FCRL5: variants seen among roughly 807,000 people sequenced by gnomAD.
FCRL5 encodes Fc receptor like 5.
FCRL5 carries 79 observed loss-of-function variants against 92.1 expected under a neutral mutation model. The ratio of observed to expected loss-of-function variants is 0.86; its 90% CI spans 0.72 to 1.03. FCRL5 has a LOEUF of 1.03. Ranked by LOEUF, FCRL5 falls within the 50% of genes least tolerant of loss-of-function variation. The probability of loss-of-function intolerance (pLI) is 0.00; values close to 1 mark genes in which losing one functional copy is unlikely to be tolerated. For missense variants in FCRL5, 1,160 were observed against 1,181.1 expected (o/e 0.98, Z 0.26); for synonymous variants, 466 against 469.3 (o/e 0.99, Z 0.09).
chr1:157,538,351 C>T (rs1651073647), intron 7 of FCRL5, among the ~76,000 whole-genome samples: 1 of 152,182 alleles, frequency 6.6e-6, no homozygotes, highest in Non-Finnish European at 1.5e-5. Flanking sequence ...TCTCTGTCTC[C>T]AGTATAGGCC....
In FCRL5 at chr1:157,537,827, C is replaced by T. The variant is rs61803176; in HGVS notation, c.1402+1259G>A. Among the ~76,000 whole-genome samples, 516 of 152,248 alleles carry T rather than the reference C, an allele frequency of 3.4e-3. 3 individuals are homozygous for T. The highest frequency in any genetic ancestry group is 4.6e-3 in the Non-Finnish European group (316 of 68,014). On this transcript the variant is annotated intron_variant, in intron 7 of 16. Transcript: ENST00000361835. The stretch of plus-strand genomic sequence containing the variant: ...TAAAATATTGGGGGTGAATTTCCCC[C>T]GATATCATCTCAAATTCCAAGAATT...
intron 8 of FCRL5, chr1:157,531,950 A>G (rs1364456043): frequency 6.6e-6 from 1 of 152,176 alleles, no homozygotes; most frequent in Non-Finnish European, 1.5e-5. Flanking sequence ...ATATTACAAA[A>G]AAGCTAGAAG....
intron 2 of FCRL5, among the ~76,000 whole-genome samples, chr1:157,548,045 C>T (rs1651638835): frequency 6.6e-6 from 1 of 152,224 alleles, no homozygotes; most frequent in Non-Finnish European, 1.5e-5. Flanking sequence ...GGGTATTTTT[C>T]TGGCTCGCTG....
At chr1:157,533,128 TATTTTTAACC>T (rs1650774142) in intron 8 of FCRL5, 2 of 152,166 alleles carry the variant, frequency 1.3e-5, no homozygotes, top group Non-Finnish European at 2.9e-5. Flanking sequence ...CACATATATA[TATTTTTAACC>T]TCAAAGTCAA....
rs1239687057 is a variant in FCRL5, at chr1:157,514,754, A to G, written c.*921T>C. 2 of 152,262 alleles carry G rather than the reference A, an allele frequency of 1.3e-5. No homozygotes were observed. Among genetic ancestry groups the G allele is most frequent in the African/African-American group, 4.8e-5 (2 of 41,444 alleles). The allele number at this position is 152,262 out of a possible 1,614,324, so 9.4% of individuals were successfully genotyped here. Reference sequence around the variant, plus strand: ...TGTGAGAAGCCCTTCCTCTTGCTGAACAGTTTCCTCATCCAAGCTCCTTCT... The same window carrying G: ...TGTGAGAAGCCCTTCCTCTTGCTGAGCAGTTTCCTCATCCAAGCTCCTTCT... On this transcript the variant is annotated 3_prime_UTR_variant, in exon 17 of 17. Coordinates refer to ENST00000361835, the MANE Select transcript of FCRL5 (RefSeq NM_031281.3).
At chr1:157,543,542 C>T (rs1049325578) in intron 5 of FCRL5, among the ~76,000 whole-genome samples, 114 of 152,298 alleles carry the variant, frequency 7.5e-4, no homozygotes, top group African/African-American at 2.7e-3. Context: ...AGGAGACCTG[C>T]CTGTGTAGGC....
Position 157,552,413 on chromosome 1 carries a change from C to T in FCRL5, c.-51G>A. ...GATCAAAAGAGAAGTTTCCTCAATT[C>T]CAAAACAGGTTTGGACTTGATCTTA... On this transcript the variant is annotated 5_prime_UTR_variant, in exon 1 of 17. An upstream open reading frame in the 5' UTR gains an earlier in-frame stop. Coordinates refer to ENST00000361835, the MANE Select transcript of FCRL5 (RefSeq NM_031281.3). The T allele has an allele frequency of 1.9e-6, 3 of 1,606,210 alleles. No homozygotes were observed. The highest frequency in any genetic ancestry group is 1.1e-5 in the South Asian group (1 of 90,906).
At chr1:157,547,248 G>A (rs1571113479) in intron 2 of FCRL5, 51 bp from the exon 3 acceptor site, 2 of 1,603,708 alleles carry the variant, frequency 1.2e-6, no homozygotes, top group Non-Finnish European at 1.7e-6. Flanking sequence ...TGCAGACCCA[G>A]CCTCAGGGCC....
At chr1:157,519,715 T>G in intron 13 of FCRL5, 28 bp downstream of exon 13, 1 of 1,610,570 alleles carries the variant, frequency 6.2e-7, no homozygotes, top group Non-Finnish European at 8.5e-7. Context: ...ATTTCACTAA[T>G]CACACAGGAA....
chr1:157,518,410 A>G lies in FCRL5; in HGVS notation c.2812+19T>C. 6.2e-7 allele frequency: 1 copy of G among 1,606,738 alleles called. No homozygotes were observed. Among genetic ancestry groups the G allele is most frequent in the Non-Finnish European group, 8.5e-7 (1 of 1,173,198 alleles). The stretch of plus-strand genomic sequence containing the variant: ...CTAAGTTGAGGGTGGGCCAGAACAG[A>G]GACATCCTTGGGTCTTACCTGCATG... On this transcript the variant is annotated intron_variant, in intron 15 of 16. Coordinates refer to ENST00000361835, the MANE Select transcript of FCRL5 (RefSeq NM_031281.3).
chr1:157,549,001 C>T (rs1651687064), intron 2 of FCRL5, among the ~76,000 whole-genome samples: 1 of 152,048 alleles, frequency 6.6e-6, no homozygotes, highest in Non-Finnish European at 1.5e-5. Context: ...TTTACTGCGG[C>T]ACTATTCACA....
Position 157,515,491 on chromosome 1 carries a change from G to A in FCRL5, c.*184C>T. 1 of 1,332,288 alleles carries A rather than the reference G, an allele frequency of 7.5e-7. No homozygotes were observed. Among genetic ancestry groups the A allele is most frequent in the South Asian group, 1.4e-5 (1 of 73,512 alleles). 82.5% of individuals were successfully genotyped at this position (1,332,288 alleles called of 1,614,324 possible). A position where few individuals can be genotyped will look rare whatever the true frequency, so the allele number is the denominator to read the frequency against. On this transcript the variant is annotated 3_prime_UTR_variant, in exon 17 of 17. Coordinates refer to ENST00000361835, the MANE Select transcript of FCRL5 (RefSeq NM_031281.3). ...AAACCTGCCAGTCAGGGCTTTAACT[G>A]GGAAACAGGTGACAGTCCAGCAGGG...
intron 8 of FCRL5, chr1:157,528,420 A>C (rs1245509272): frequency 6.6e-6 from 1 of 152,216 alleles, no homozygotes; most frequent in African/African-American, 2.4e-5. Flanking sequence ...TGCAATTCCC[A>C]TCAAAATACC....
Position 157,521,179 on chromosome 1 carries a change from G to T in FCRL5, c.2353C>A (p.Arg785=), listed in dbSNP as rs138181956. The change falls in exon 11 of 17, where the codon CGG becomes AGG. Residue 785 remains arginine, a synonymous_variant. Coordinates refer to ENST00000361835, the MANE Select transcript of FCRL5 (RefSeq NM_031281.3). The part of the protein sequence containing the change: ...ALRGSPLILY[R]FFHEDVTLGN... ...AGGGTGACATCCTCATGAAAAAACC[G>T]GTACAGGATCAGGGGAGAGCCTCTC... 1 of 1,614,110 alleles carries T rather than the reference G, an allele frequency of 6.2e-7. No homozygotes were observed. The highest frequency in any genetic ancestry group is 8.5e-7 in the Non-Finnish European group (1 of 1,180,022).
In FCRL5 at chr1:157,534,606, G is replaced by A. The variant is rs1231270862; in HGVS notation, c.1681+8C>T. 2.5e-6 allele frequency: 4 copies of A among 1,614,162 alleles called. No individual in the cohort carries two copies. In the South Asian group the frequency reaches 3.3e-5, roughly 13 times the overall value. ...GGGGTGGGTGACTGGCAAGAACCCA[G>A]CACTTACCAGTGACAAAAAGGCTCA... On this transcript the variant is annotated splice_region_variant and intron_variant, in intron 8 of 16. Transcript: ENST00000361835.
intron 15 of FCRL5, among the ~76,000 whole-genome samples, chr1:157,516,832 T>G (rs116049987): frequency 0.022 from 3,307 of 152,242 alleles, 109 homozygotes; most frequent in African/African-American, 0.074. Flanking sequence ...GTTTGGTGAT[T>G]GACTATAAGA....
intron 2 of FCRL5, among the ~76,000 whole-genome samples, chr1:157,548,183 A>T (rs1189149198): frequency 6.6e-6 from 1 of 152,210 alleles, no homozygotes; most frequent in Non-Finnish European, 1.5e-5. Context: ...CTGCTTGGGC[A>T]TTCACCCCTT....
chr1:157,538,350 C>T (rs1013798603), intron 7 of FCRL5, among the ~76,000 whole-genome samples: 1 of 152,182 alleles, frequency 6.6e-6, no homozygotes, highest in African/African-American at 2.4e-5. Context: ...CTCTCTGTCT[C>T]CAGTATAGGC....
rs767461088 is a variant in FCRL5 at position 157,539,360 on chromosome 1, G to A, written c.1128C>T (p.Pro376=). 9.4e-6 allele frequency: 15 copies of A among 1,597,940 alleles called. No homozygotes were observed. Among genetic ancestry groups the A allele is most frequent in the African/African-American group, 4.0e-5 (3 of 74,412 alleles). ...SKAVSLSVTV[P]VSHPVLNLSS... is the part of the protein sequence containing the mutation. ...TGAGGTTGAGGACAGGATGAGACAC[G>A]GGAACTGAGAGAGAGAAAAAATTAG... The change falls in exon 7 of 17, where the codon CCC becomes CCT. Residue 376 remains proline (P), a synonymous_variant. Transcript: ENST00000361835.
Sources: gnomAD v4.1 joint callset for allele counts (sites outside exome capture counted in the v4.1 genomes callset) on GRCh38, gnomAD v4.1.1 for gene constraint, MANE v1.5 for transcripts, NCBI Gene and HGNC (gene_info 2026-07-23, HGNC 2026-07-21) for gene names.